Variants in GALNT18 observed in about 807,000 individuals in gnomAD.
The protein encoded by GALNT18 is polypeptide N-acetylgalactosaminyltransferase 18.
GALNT18 carries 44 observed loss-of-function variants against 69.5 expected under a neutral mutation model. That is an observed-to-expected ratio of 0.63 (90% CI 0.50 to 0.81). The LOEUF is 0.81. Among genes scored for constraint, GALNT18 ranks in the 40% least tolerant of loss-of-function variants. The probability of loss-of-function intolerance (pLI) is 0.00; values close to 1 mark genes in which losing one functional copy is unlikely to be tolerated. For missense variants in GALNT18, 715 were observed against 810.0 expected (o/e 0.88, Z 1.42); for synonymous variants, 364 against 318.2 (o/e 1.14, Z -1.53).
rs1858303793 is a variant in GALNT18 at position 11,555,285 on chromosome 11, T to C, written c.235+66074A>G. Reference sequence around the variant, plus strand: ...ACAGCCAACAGGCTGCAGGGTTCTCTGTTTTCAGGAGATCTAGCTAGAGAG... The same window carrying C: ...ACAGCCAACAGGCTGCAGGGTTCTCCGTTTTCAGGAGATCTAGCTAGAGAG... On this transcript the variant is annotated intron_variant, in intron 1 of 10. Coordinates refer to ENST00000227756, the MANE Select transcript of GALNT18 (RefSeq NM_198516.3). The surrounding 1 kb of genome is among the most constrained non-coding windows in gnomAD (Gnocchi z 4.7). 6.6e-6 allele frequency among the ~76,000 whole-genome samples: 1 copy of C among 152,172 alleles called. No homozygotes were observed. The highest frequency in any genetic ancestry group is 1.5e-5 in the Non-Finnish European group (1 of 68,026).
intron 6 of GALNT18, among the ~76,000 whole-genome samples, chr11:11,350,699 G>A (rs1850385119): frequency 6.6e-6 from 1 of 152,164 alleles, no homozygotes; most frequent in South Asian, 2.1e-4. Flanking sequence ...TCCCGGGGAA[G>A]GCAGGTGACT....
Position 11,601,902 on chromosome 11 carries a change from C to T in GALNT18, c.235+19457G>A, listed in dbSNP as rs1859643411. On this transcript the variant is annotated intron_variant, in intron 1 of 10. Coordinates refer to ENST00000227756, the MANE Select transcript of GALNT18 (RefSeq NM_198516.3). The surrounding 1 kb of genome is among the most constrained non-coding windows in gnomAD (Gnocchi z 4.0). ...GTCACAATTTCTAAGAACCTATCAACAGCATTACTGTGTTGATAGGAGAAC... is the reference window on the plus strand; with the variant it reads ...GTCACAATTTCTAAGAACCTATCAATAGCATTACTGTGTTGATAGGAGAAC... 6.6e-6 allele frequency among the ~76,000 whole-genome samples: 1 copy of T among 152,176 alleles called. No individual in the cohort carries two copies. Among genetic ancestry groups the T allele is most frequent in the Admixed American group, 6.5e-5 (1 of 15,280 alleles).
intron 10 of GALNT18, among the ~76,000 whole-genome samples, chr11:11,278,714 G>A (rs1037512743): frequency 5.3e-5 from 8 of 152,104 alleles, no homozygotes; most frequent in Non-Finnish European, 1.2e-4. Context: ...AGGTAGTAGG[G>A]AGGAGAGGAA....
chr11:11,448,830 C>T lies in GALNT18; in HGVS notation c.342G>A (p.Leu114=). 1.9e-6 allele frequency: 3 copies of T among 1,613,066 alleles called. No individual in the cohort carries two copies. Among genetic ancestry groups the T allele is most frequent in the Non-Finnish European group, 1.7e-6 (2 of 1,179,652 alleles). ...TGTAGCCGTAGTACTGGAATTGCTTCAGGGCCACGCGCCGGCCTTCGGGGC... is the reference window on the plus strand; with the variant it reads ...TGTAGCCGTAGTACTGGAATTGCTTTAGGGCCACGCGCCGGCCTTCGGGGC... ...ELSPEGRRVA[L]KQFQYYGYNA... The change falls in exon 2 of 11, where the codon CTG becomes CTA. Residue 114 remains leucine, a synonymous_variant. Coordinates refer to ENST00000227756, the MANE Select transcript of GALNT18 (RefSeq NM_198516.3).
rs992591638 is a variant in GALNT18 at position 11,454,117 on chromosome 11, C to T, written c.236-5181G>A. On this transcript the variant is annotated intron_variant, in intron 1 of 10. Transcript: ENST00000227756. The surrounding 1 kb of genome is among the most constrained non-coding windows in gnomAD (Gnocchi z 4.2). ...AAACTCCCTGCCTACTAGAGATTCC[C>T]CAAATCTTTCAGAGGGAGTAGAAAG... Among the ~76,000 whole-genome samples the T allele has an allele frequency of 1.3e-5, 2 of 152,128 alleles. No individual in the cohort carries two copies. Among genetic ancestry groups the T allele is most frequent in the African/African-American group, 4.8e-5 (2 of 41,426 alleles).
intron 9 of GALNT18, among the ~76,000 whole-genome samples, chr11:11,306,279 CAT>C (rs1849578608): frequency 3.3e-5 from 5 of 151,954 alleles, no homozygotes; most frequent in African/African-American, 1.2e-4. Context: ...GCACAGATAA[CAT>C]ATGGTCAATG....
At position 11,616,745 on chromosome 11, in the gene GALNT18, G is replaced by A. The variant is rs571084389; in HGVS notation, c.235+4614C>T. Among the ~76,000 whole-genome samples, 1 of 152,240 alleles carries A rather than the reference G, an allele frequency of 6.6e-6. No homozygotes were observed. The highest frequency in any genetic ancestry group is 2.1e-4 in the South Asian group (1 of 4,824). On this transcript the variant is annotated intron_variant, in intron 1 of 10. Transcript: ENST00000227756. This position sits in a 1 kb window ranked among gnomAD's most constrained non-coding sequence, Gnocchi z 4.4. ...ATAGTTGAGTTTTACACTTACCAGT[G>A]GTCCACTGGGTTTGTTCTCAAACGT...
At chr11:11,533,376 C>A (rs1193024731) in intron 1 of GALNT18, among the ~76,000 whole-genome samples, 1 of 152,216 alleles carries the variant, frequency 6.6e-6, no homozygotes, top group Non-Finnish European at 1.5e-5. Context: ...GTACCCAGGT[C>A]TGCCTTGTTC....
At chr11:11,391,596 C>T (rs1854192181) in intron 3 of GALNT18, among the ~76,000 whole-genome samples, 1 of 152,224 alleles carries the variant, frequency 6.6e-6, no homozygotes, top group Admixed American at 6.5e-5. Context: ...CTAATGCTAT[C>T]TTTTTTTCTC....
intron 7 of GALNT18, among the ~76,000 whole-genome samples, chr11:11,334,487 G>A (rs2133051069): frequency 6.6e-6 from 1 of 151,440 alleles, no homozygotes; most frequent in South Asian, 2.1e-4. Flanking sequence ...AGCTTGCAGT[G>A]AGCCGAGATC....
rs1490515233 is a variant in GALNT18, at chr11:11,372,435, A to G, written c.1092+80T>C. ...GAATCAGTCTGTGACCCTCAACCTT[A>G]AACCCCATTTCTCCACCCCCAGACT... is the stretch of plus-strand genomic sequence containing the variant. On this transcript the variant is annotated intron_variant, in intron 6 of 10. Coordinates refer to ENST00000227756, the MANE Select transcript of GALNT18 (RefSeq NM_198516.3). This position sits in a 1 kb window ranked among gnomAD's most constrained non-coding sequence, Gnocchi z 4.9. The G allele has an allele frequency of 4.6e-6, 5 of 1,079,496 alleles. No individual in the cohort carries two copies. Among genetic ancestry groups the G allele is most frequent in the Non-Finnish European group, 7.1e-6 (5 of 702,714 alleles). 66.9% of individuals were successfully genotyped at this position (1,079,496 alleles called of 1,614,324 possible). A position where few individuals can be genotyped will look rare whatever the true frequency, so the allele number is the denominator to read the frequency against.
intron 3 of GALNT18, among the ~76,000 whole-genome samples, chr11:11,408,744 A>G (rs891939939): frequency 2.6e-5 from 4 of 152,194 alleles, no homozygotes; most frequent in Admixed American, 2.0e-4. Context: ...ACTGGGCCCA[A>G]GTCAGTTTCC....
intron 1 of GALNT18, among the ~76,000 whole-genome samples, chr11:11,490,992 G>A (rs1379576971): frequency 6.6e-6 from 1 of 152,236 alleles, no homozygotes; most frequent in African/African-American, 2.4e-5. Flanking sequence ...GGGTGGCAAG[G>A]TGACAGAGGC....
intron 7 of GALNT18, among the ~76,000 whole-genome samples, chr11:11,334,370 G>C (rs1267029834): frequency 6.6e-6 from 1 of 151,884 alleles, no homozygotes; most frequent in Non-Finnish European, 1.5e-5. Flanking sequence ...GTGAAACCCC[G>C]TCTCTACTAA....
rs1857458486 is a variant in GALNT18 at position 11,523,860 on chromosome 11, A to T, written c.236-74924T>A. Among the ~76,000 whole-genome samples the T allele has an allele frequency of 6.6e-6, 1 of 152,170 alleles. No homozygotes were observed. Among genetic ancestry groups the T allele is most frequent in the Admixed American group, 6.5e-5 (1 of 15,278 alleles). On this transcript the variant is annotated intron_variant, in intron 1 of 10. Transcript: ENST00000227756. The surrounding 1 kb of genome is among the most constrained non-coding windows in gnomAD (Gnocchi z 4.3). ...ACACTGGGAAGCTCATGGAATTGCC[A>T]AGAGAGGTAGCGAACCAGGCTCTCA...
At chr11:11,271,852 A>G (rs1265312166) in intron 10 of GALNT18, among the ~76,000 whole-genome samples, 1 of 152,222 alleles carries the variant, frequency 6.6e-6, no homozygotes, top group Non-Finnish European at 1.5e-5. Flanking sequence ...GAATGTTTGT[A>G]GCCATTCATA....
rs1349340048 is a variant in GALNT18 at position 11,538,266 on chromosome 11, C to T, written c.235+83093G>A. Among the ~76,000 whole-genome samples, 1 of 152,222 alleles carries T rather than the reference C, an allele frequency of 6.6e-6. No homozygotes were observed. Among genetic ancestry groups the T allele is most frequent in the Non-Finnish European group, 1.5e-5 (1 of 68,042 alleles). On this transcript the variant is annotated intron_variant, in intron 1 of 10. Transcript: ENST00000227756. This position sits in a 1 kb window ranked among gnomAD's most constrained non-coding sequence, Gnocchi z 5.2. ...AGGTCAGTGTTGCGAACAGCCCGCCCTGCCACCACCATCCCCAGGGCTATG... is the reference window on the plus strand; with the variant it reads ...AGGTCAGTGTTGCGAACAGCCCGCCTTGCCACCACCATCCCCAGGGCTATG...
chr11:11,534,807 C>T lies in GALNT18; in HGVS notation c.236-85871G>A, dbSNP rs1025260387. Among the ~76,000 whole-genome samples the T allele has an allele frequency of 2.0e-5, 3 of 152,266 alleles. No individual in the cohort carries two copies. The South Asian group carries it at 6.2e-4, about 31-fold the overall frequency. On this transcript the variant is annotated intron_variant, in intron 1 of 10. Transcript: ENST00000227756. ...CTGCAGACACAAATTTCTCCTGCCA[C>T]CTGTCCTGCGAGGTATGCTGGTGGC...
chr11:11,271,944 G>A (rs1366048569), intron 10 of GALNT18, among the ~76,000 whole-genome samples: 2 of 152,168 alleles, frequency 1.3e-5, no homozygotes, highest in East Asian at 1.9e-4. Context: ...CCCAATTTTT[G>A]TAGTGAAATC....
Sources: gnomAD v4.1 joint callset for allele counts (sites outside exome capture counted in the v4.1 genomes callset) on GRCh38, gnomAD v4.1.1 for gene constraint, Gnocchi (gnomAD v3.1) non-coding constraint, MANE v1.5 for transcripts, NCBI Gene and HGNC (gene_info 2026-07-23, HGNC 2026-07-21) for gene names.